The following ITGB3BP variants were observed in gnomAD, a reference collection of about 807,000 sequenced individuals.
ITGB3BP encodes the protein integrin subunit beta 3 binding protein, also known as centromere protein R.
ITGB3BP carries 27 observed loss-of-function variants against 29.1 expected under a neutral mutation model. The ratio of observed to expected loss-of-function variants is 0.93; its 90% confidence interval spans 0.68 to 1.28. The LOEUF (loss-of-function observed/expected upper bound fraction) is 1.28. Ranked by LOEUF, ITGB3BP falls within the 50% of genes most tolerant of loss-of-function variation. The pLI, the probability that ITGB3BP is intolerant of heterozygous loss-of-function variation, is 0.00. For synonymous variants in ITGB3BP, 61 were observed against 61.4 expected, an observed-to-expected ratio of 0.99 and a Z score of 0.03; for missense variants, 192 against 200.2, an observed-to-expected ratio of 0.96 and a Z score of 0.25.
rs139324658 is a variant in ITGB3BP, at chr1:63,487,819, C to T, written c.184+2264G>A. On this transcript the variant is annotated intron_variant, in intron 3 of 8. Transcript: ENST00000271002. ...TGCTACACTTTTATATGACTAGCAG[C>T]GAGCTAGGTTTGTTTACACTGGCAT... is the stretch of plus-strand genomic sequence containing the variant. 3.4e-3 allele frequency among the ~76,000 whole-genome samples: 514 copies of T among 152,104 alleles called. 2 individuals are homozygous for T. Among genetic ancestry groups the T allele is most frequent in the Non-Finnish European group, 5.4e-3 (364 of 67,926 alleles).
At chr1:63,458,663 T>A (rs1644969596) in intron 4 of ITGB3BP, among the ~76,000 whole-genome samples, 1 of 152,184 alleles carries the variant, frequency 6.6e-6, no homozygotes, top group Non-Finnish European at 1.5e-5. Flanking sequence ...TCCCTCCTTT[T>A]TTGTAACTTC....
intron 4 of ITGB3BP, among the ~76,000 whole-genome samples, chr1:63,469,310 A>G (rs983309046): frequency 1.3e-5 from 2 of 151,726 alleles, no homozygotes; most frequent in African/African-American, 2.4e-5. Flanking sequence ...CTACTTGACC[A>G]TAAATTATTA....
At chr1:63,476,357 G>A (rs1645340889) in intron 4 of ITGB3BP, among the ~76,000 whole-genome samples, 1 of 151,890 alleles carries the variant, frequency 6.6e-6, no homozygotes, top group Non-Finnish European at 1.5e-5. Context: ...AGATAATAAT[G>A]GGCACCCGGC....
At position 63,496,240 on chromosome 1, in the gene ITGB3BP, G is replaced by A. The variant is rs571872046; in HGVS notation, c.49-6022C>T. On this transcript the variant is annotated intron_variant, in intron 2 of 8. Coordinates refer to ENST00000271002, the MANE Select transcript of ITGB3BP (RefSeq NM_014288.5). Reference sequence around the variant, plus strand: ...CCTGAGTAATTGGGACGACAGGTGCGCACCACCATGCCTGGCTAATTTTTT... The same window carrying A: ...CCTGAGTAATTGGGACGACAGGTGCACACCACCATGCCTGGCTAATTTTTT... 1.1e-4 allele frequency among the ~76,000 whole-genome samples: 16 copies of A among 151,942 alleles called. 1 individual carries two copies. Among genetic ancestry groups the A allele is most frequent in the South Asian group, 4.2e-4 (2 of 4,808 alleles).
At chr1:63,481,991 G>A (rs989038618) in intron 3 of ITGB3BP, among the ~76,000 whole-genome samples, 14 of 151,960 alleles carry the variant, frequency 9.2e-5, no homozygotes, top group Non-Finnish European at 1.5e-5. Flanking sequence ...GATTAATGTA[G>A]GCTGGGTGCG....
chr1:63,483,207 T>C (rs926387982), intron 3 of ITGB3BP, among the ~76,000 whole-genome samples: 1 of 152,192 alleles, frequency 6.6e-6, no homozygotes, highest in East Asian at 1.9e-4. Context: ...TTAAGTGTTA[T>C]TCTTAGAAAT....
chr1:63,449,834 T>C (rs1292990012), intron 7 of ITGB3BP: 1 of 154,378 alleles, frequency 6.5e-6, no homozygotes, highest in Non-Finnish European at 1.5e-5. Context: ...AAAAAATATA[T>C]TGTTTAATGT....
chr1:63,461,890 T>C (rs913424140), intron 4 of ITGB3BP, among the ~76,000 whole-genome samples: 4 of 152,218 alleles, frequency 2.6e-5, no homozygotes, highest in African/African-American at 9.6e-5. Context: ...TGTTTTGAAA[T>C]CAGGAAATAT....
intron 4 of ITGB3BP, among the ~76,000 whole-genome samples, chr1:63,472,781 A>G (rs2100589410): frequency 6.6e-6 from 1 of 151,686 alleles, no homozygotes; most frequent in African/African-American, 2.4e-5. Context: ...TCAGTGCTCA[A>G]TGGTGCCCAG....
At chr1:63,480,122 T>A (rs897230152) in intron 3 of ITGB3BP, among the ~76,000 whole-genome samples, 19 of 152,270 alleles carry the variant, frequency 1.2e-4, no homozygotes, top group African/African-American at 4.6e-4. Flanking sequence ...ACCTTCCATT[T>A]AAAATGCCAT....
rs938674429 is a variant in ITGB3BP at position 63,454,320 on chromosome 1, G to A, written c.427+60C>T. On this transcript the variant is annotated intron_variant, in intron 6 of 8. Transcript: ENST00000271002. This position sits in a 1 kb window ranked among gnomAD's most constrained non-coding sequence, Gnocchi z 4.1. Reference sequence around the variant, plus strand: ...ATAAAGAAGTCTATCAAATGTAAATGAGACAAATTAATAGGTTTATCTTTA... The same window carrying A: ...ATAAAGAAGTCTATCAAATGTAAATAAGACAAATTAATAGGTTTATCTTTA... The A allele has an allele frequency of 8.8e-5, 72 of 822,222 alleles. No individual in the cohort carries two copies. The highest frequency in any genetic ancestry group is 1.3e-4 in the Non-Finnish European group (64 of 497,774). 50.9% of individuals were successfully genotyped at this position (822,222 alleles called of 1,614,324 possible). A position where few individuals can be genotyped will look rare whatever the true frequency, so the allele number is the denominator to read the frequency against.
chr1:63,522,458 T>C (rs1363558607), intron 1 of ITGB3BP, among the ~76,000 whole-genome samples: 1 of 152,178 alleles, frequency 6.6e-6, no homozygotes, highest in Non-Finnish European at 1.5e-5. Flanking sequence ...CTTTAATGGC[T>C]TTTTTAAGTT....
At chr1:63,521,407 C>CAT in intron 1 of ITGB3BP, among the ~76,000 whole-genome samples, 1 of 149,872 alleles carries the variant, frequency 6.7e-6, no homozygotes, top group Admixed American at 6.7e-5. Context: ...GCTAGTTTCA[C>CAT]ATATATATTA....
chr1:63,479,712 C>T (rs1645404634), intron 3 of ITGB3BP, among the ~76,000 whole-genome samples: 1 of 152,102 alleles, frequency 6.6e-6, no homozygotes, highest in African/African-American at 2.4e-5. Context: ...CTTTCTGTGC[C>T]TGGCTTACTT....
chr1:63,468,815 C>T (rs901664680), intron 4 of ITGB3BP, among the ~76,000 whole-genome samples: 2 of 151,558 alleles, frequency 1.3e-5, no homozygotes, highest in Non-Finnish European at 2.9e-5. Flanking sequence ...GAGCAGAGAT[C>T]GTGCCATTGC....
At chr1:63,479,923 T>G (rs1645408380) in intron 3 of ITGB3BP, among the ~76,000 whole-genome samples, 1 of 152,182 alleles carries the variant, frequency 6.6e-6, no homozygotes, top group South Asian at 2.1e-4. Flanking sequence ...CAGATATTTC[T>G]TTGACATACT....
chr1:63,446,374 A>G (rs1644791196), intron 8 of ITGB3BP, among the ~76,000 whole-genome samples: 1 of 152,226 alleles, frequency 6.6e-6, no homozygotes, highest in South Asian at 2.1e-4. Context: ...TAATAAATAT[A>G]GATTTATTTA....
intron 2 of ITGB3BP, among the ~76,000 whole-genome samples, chr1:63,494,758 T>A (rs967927065): frequency 1.3e-5 from 2 of 152,210 alleles, no homozygotes; most frequent in Admixed American, 6.5e-5. Context: ...TATTAAGATA[T>A]TAATTTTAAT....
intron 1 of ITGB3BP, among the ~76,000 whole-genome samples, chr1:63,508,808 T>C (rs1434133272): frequency 2.0e-5 from 3 of 152,106 alleles, no homozygotes; most frequent in South Asian, 4.1e-4. Flanking sequence ...CTTTAAAAAA[T>C]ATATGCAGTT....
Sources: gnomAD v4.1 joint callset for allele counts (sites outside exome capture counted in the v4.1 genomes callset) on GRCh38, gnomAD v4.1.1 for gene constraint, Gnocchi (gnomAD v3.1) non-coding constraint, MANE v1.5 for transcripts, NCBI Gene and HGNC (gene_info 2026-07-23, HGNC 2026-07-21) for gene names.